Variants in KATNAL2 observed in about 807,000 individuals in gnomAD.
KATNAL2 encodes katanin catalytic subunit A1 like 2.
A neutral mutation model predicts 76.3 loss-of-function variants in KATNAL2; 52 were observed. The ratio of observed to expected loss-of-function variants is 0.68; its 90% confidence interval spans 0.55 to 0.86. KATNAL2 has a LOEUF of 0.86. Ranked by LOEUF, KATNAL2 falls within the 40% of genes least tolerant of loss-of-function variation. KATNAL2 has a pLI of 0.00. For missense variants in KATNAL2, 660 were observed against 668.9 expected (o/e 0.99, Z 0.15); for synonymous variants, 243 against 244.2 (o/e 1.00, Z 0.05).
chr18:46,946,162 T>C lies in KATNAL2; in HGVS notation c.-404T>C. 1.0e-6 allele frequency: 1 copy of C among 958,784 alleles called. No homozygotes were observed. Among genetic ancestry groups the C allele is most frequent in the Non-Finnish European group, 1.3e-6 (1 of 799,626 alleles). 59.4% of individuals were successfully genotyped at this position (958,784 alleles called of 1,614,324 possible). The stretch of plus-strand genomic sequence containing the variant: ...GATGAAGGGATAATTTGGAATAGGA[T>C]TCACAGCAAGAGAGACAGAAGGGAA... On this transcript the variant is annotated 5_prime_UTR_variant, in exon 2 of 18. Transcript: ENST00000683218.
At chr18:47,058,373 CT>C (rs767062602) in intron 7 of KATNAL2, 21 bp downstream of exon 7, 1 of 1,396,042 alleles carries the variant, frequency 7.2e-7, no homozygotes, top group Non-Finnish European at 1.0e-6. Context: ...CTTGGCTTGA[CT>C]TTGTGAACAG....
rs1306616971 is a variant in KATNAL2, at chr18:47,101,330, A to C, written c.*325A>C. The C allele has an allele frequency of 4.1e-6, 1 of 246,480 alleles. No individual in the cohort carries two copies. The highest frequency in any genetic ancestry group is 8.1e-6 in the Non-Finnish European group (1 of 123,222). The allele number at this position is 246,480 out of a possible 1,614,324, so 15.3% of individuals were successfully genotyped here. On this transcript the variant is annotated 3_prime_UTR_variant, in exon 18 of 18. Coordinates refer to ENST00000683218, the MANE Select transcript of KATNAL2 (RefSeq NM_001387690.1). ...TTACTCATTTGTAAACTTTTTAAGA[A>C]AAAGATGTACTTAGAAAAGTTGTGT...
At chr18:47,088,600 G>A (rs1281191612) in intron 15 of KATNAL2, among the ~76,000 whole-genome samples, 3 of 151,882 alleles carry the variant, frequency 2.0e-5, no homozygotes, top group South Asian at 2.1e-4. Flanking sequence ...ATTTTTGAGA[G>A]GGGGGTCTCA....
intron 3 of KATNAL2, among the ~76,000 whole-genome samples, chr18:46,954,003 G>T (rs2146724120): frequency 6.6e-6 from 1 of 152,208 alleles, no homozygotes; most frequent in African/African-American, 2.4e-5. Flanking sequence ...GAGAACAGAG[G>T]AAGACTTTGT....
In KATNAL2 at chr18:47,058,254, C is replaced by G; in HGVS notation, c.352C>G (p.Gln118Glu). 1.2e-6 allele frequency: 2 copies of G among 1,613,672 alleles called. No individual in the cohort carries two copies. Among genetic ancestry groups the G allele is most frequent in the Non-Finnish European group, 1.7e-6 (2 of 1,179,630 alleles). ...KTRRMMNDSC[Q>E]NLPKINQQRP... Reference sequence around the variant, plus strand: ...CCTTAGGATGATGAACGACAGTTGTCAAAATCTTCCCAAGATCAATCAGCA... The same window carrying G: ...CCTTAGGATGATGAACGACAGTTGTGAAAATCTTCCCAAGATCAATCAGCA... Residue 118 changes from glutamine (Q) to glutamate (E), a missense_variant, in exon 7 of 18, where the codon CAA (glutamine) becomes GAA (glutamate). Physicochemically the swap from Gln to Glu is conservative, Grantham distance 29. Transcript: ENST00000683218.
At chr18:47,031,318 A>C (rs749688966) in intron 3 of KATNAL2, among the ~76,000 whole-genome samples, 1 of 151,704 alleles carries the variant, frequency 6.6e-6, no homozygotes, top group Non-Finnish European at 1.5e-5. Flanking sequence ...AGGAAAACAG[A>C]TCCATTTGAA....
chr18:47,083,812 A>G (rs1030276251), intron 15 of KATNAL2, among the ~76,000 whole-genome samples: 2 of 152,242 alleles, frequency 1.3e-5, no homozygotes, highest in African/African-American at 4.8e-5. Context: ...TCAGGAAACA[A>G]AATACTGAAC....
intron 3 of KATNAL2, chr18:47,034,779 T>C (rs1318139140): frequency 6.2e-7 from 1 of 1,612,434 alleles, no homozygotes; most frequent in Non-Finnish European, 8.5e-7. Context: ...CGGAATCAGC[T>C]GGGGCTATTC....
intron 15 of KATNAL2, among the ~76,000 whole-genome samples, chr18:47,092,303 A>T (rs535340490): frequency 6.6e-6 from 1 of 152,264 alleles, no homozygotes; most frequent in South Asian, 2.1e-4. Context: ...GTTTGAGACC[A>T]GCCTGGCCAA....
intron 15 of KATNAL2, among the ~76,000 whole-genome samples, chr18:47,089,867 C>G (rs1193649879): frequency 2.0e-5 from 3 of 152,110 alleles, no homozygotes; most frequent in African/African-American, 7.2e-5. Context: ...AAGTAAGTAG[C>G]CCTGCACCTA....
In KATNAL2 at chr18:47,067,107, G is replaced by T. The variant is rs759361543; in HGVS notation, c.813G>T (p.Val271=). The T allele has an allele frequency of 1.9e-6, 3 of 1,569,388 alleles. No homozygotes were observed. The highest frequency in any genetic ancestry group is 2.6e-6 in the Non-Finnish European group (3 of 1,148,046). The change falls in exon 11 of 18, where the codon GTG becomes GTT. Residue 271 remains valine (V), a synonymous_variant. Coordinates refer to ENST00000683218, the MANE Select transcript of KATNAL2 (RefSeq NM_001387690.1). ...AGCAGTTAGTCAAAGAAGCTGTTGT[G>T]TATCCTATAAGGGTAAGGACGGGAA... ...AAKQLVKEAV[V]YPIRYPQLFT...
At chr18:46,952,494 G>C (rs565605556) in intron 3 of KATNAL2, among the ~76,000 whole-genome samples, 1 of 149,502 alleles carries the variant, frequency 6.7e-6, no homozygotes, top group Non-Finnish European at 1.5e-5. Flanking sequence ...CCGCCTCCCG[G>C]GTTCAAGCGA....
intron 13 of KATNAL2, among the ~76,000 whole-genome samples, chr18:47,073,340 T>G (rs959704232): frequency 2.6e-5 from 4 of 152,254 alleles, no homozygotes; most frequent in African/African-American, 9.6e-5. Flanking sequence ...CCTTTTGTGA[T>G]GTGCATTTTT....
intron 3 of KATNAL2, among the ~76,000 whole-genome samples, chr18:46,950,872 C>T (rs974957930): frequency 7.2e-5 from 11 of 152,214 alleles, no homozygotes; most frequent in Admixed American, 3.3e-4. Context: ...TTAGTAGAGA[C>T]GGAGTTTCTC....
chr18:47,052,459 T>C (rs1848812536), intron 4 of KATNAL2, among the ~76,000 whole-genome samples: 1 of 152,248 alleles, frequency 6.6e-6, no homozygotes, highest in African/African-American at 2.4e-5. Flanking sequence ...TGGGTTGAAT[T>C]TGGGTTTTAT....
intron 5 of KATNAL2, 68 bp from the exon 6 acceptor site, chr18:47,054,328 C>T: frequency 2.2e-6 from 3 of 1,378,216 alleles, no homozygotes; most frequent in Non-Finnish European, 3.1e-6. Flanking sequence ...GGGAAACATA[C>T]CTGAAAAAAA....
At chr18:47,062,382 GAAA>G (rs779449087) in intron 8 of KATNAL2, among the ~76,000 whole-genome samples, 1 of 136,662 alleles carries the variant, frequency 7.3e-6, no homozygotes, top group African/African-American at 2.7e-5. Flanking sequence ...TCTCTTAAAG[GAAA>G]AAAAAAAAAG....
chr18:47,034,238 C>G lies in KATNAL2; in HGVS notation c.52-12219C>G, dbSNP rs762344517. On this transcript the variant is annotated intron_variant, in intron 3 of 17. Coordinates refer to ENST00000683218, the MANE Select transcript of KATNAL2 (RefSeq NM_001387690.1). ...GGCTTCCCCTCTTGAGTCTCTCGGT[C>G]GTTGGAAAGCTGCTCTTTCTCCTCG... 9.9e-6 allele frequency: 16 copies of G among 1,613,788 alleles called. No homozygotes were observed. In the Middle Eastern group the frequency reaches 4.9e-4, roughly 50 times the overall value.
intron 1 of KATNAL2, among the ~76,000 whole-genome samples, chr18:46,940,621 G>C (rs2059219752): frequency 6.6e-6 from 1 of 152,144 alleles, no homozygotes; most frequent in Non-Finnish European, 1.5e-5. Context: ...TGCATGCCTA[G>C]AGAAGCTCTG....
Sources: gnomAD v4.1 joint callset for allele counts (sites outside exome capture counted in the v4.1 genomes callset) on GRCh38, gnomAD v4.1.1 for gene constraint, MANE v1.5 for transcripts, NCBI Gene and HGNC (gene_info 2026-07-23, HGNC 2026-07-21) for gene names.